CHCHD6: variants seen among roughly 807,000 people sequenced by gnomAD.
The protein encoded by CHCHD6 is coiled-coil-helix-coiled-coil-helix domain containing 6.
Under a neutral mutation model 32.3 loss-of-function variants are expected in CHCHD6, and 28 were observed. The ratio of observed to expected loss-of-function variants is 0.87; its 90% confidence interval spans 0.64 to 1.19. CHCHD6 has a LOEUF of 1.19. Among genes scored for constraint, CHCHD6 ranks in the 50% most tolerant of loss-of-function variants. The pLI is 0.00. For missense variants in CHCHD6, 333 were observed against 307.0 expected, an observed-to-expected ratio of 1.08 and a Z score of -0.63; for synonymous variants, 122 against 117.5, an observed-to-expected ratio of 1.04 and a Z score of -0.25.
At chr3:126,794,044 T>C (rs892779865) in intron 4 of CHCHD6, among the ~76,000 whole-genome samples, 6 of 152,116 alleles carry the variant, frequency 3.9e-5, no homozygotes, top group African/African-American at 1.4e-4. Flanking sequence ...TCTTCAAAAA[T>C]TTGATTATGA....
chr3:126,881,132 G>C (rs2077603451), intron 5 of CHCHD6, among the ~76,000 whole-genome samples: 1 of 152,278 alleles, frequency 6.6e-6, no homozygotes, highest in South Asian at 2.1e-4. Flanking sequence ...TGGCTGCCAA[G>C]CCCGCATATG....
At chr3:126,823,491 T>C (rs1218651031) in intron 4 of CHCHD6, among the ~76,000 whole-genome samples, 1 of 152,228 alleles carries the variant, frequency 6.6e-6, no homozygotes. Context: ...TTTTGGATGC[T>C]AATGAAAATA....
rs1028842050 is a variant in CHCHD6 at position 126,833,931 on chromosome 3, G to A, written c.412-18716G>A. Among the ~76,000 whole-genome samples, 11 of 150,334 alleles carry A rather than the reference G, an allele frequency of 7.3e-5. 1 individual carries two copies. In the South Asian group the frequency reaches 2.3e-3, roughly 32 times the overall value. On this transcript the variant is annotated intron_variant, in intron 4 of 7. Transcript: ENST00000290913. Reference sequence around the variant, plus strand: ...TAGCCGGGCGTAGTGGCGGGCGCCTGTAGTCCTAGCTACTTGGGAGGCTGA... The same window carrying A: ...TAGCCGGGCGTAGTGGCGGGCGCCTATAGTCCTAGCTACTTGGGAGGCTGA...
chr3:126,934,118 G>T (rs1200771740), intron 6 of CHCHD6, among the ~76,000 whole-genome samples: 1 of 152,206 alleles, frequency 6.6e-6, no homozygotes, highest in Non-Finnish European at 1.5e-5. Context: ...GCATGGAAAA[G>T]CCCCTGGTCT....
chr3:126,943,120 G>T (rs1344375866), intron 6 of CHCHD6, among the ~76,000 whole-genome samples: 1 of 152,042 alleles, frequency 6.6e-6, no homozygotes, highest in Non-Finnish European at 1.5e-5. Context: ...CATGCCAGCC[G>T]CCTTTTCAGC....
At chr3:126,742,581 G>T (rs1413101265) in intron 4 of CHCHD6, among the ~76,000 whole-genome samples, 1 of 152,194 alleles carries the variant, frequency 6.6e-6, no homozygotes, top group Non-Finnish European at 1.5e-5. Flanking sequence ...TGAATGGATT[G>T]AATCCAGTTG....
At chr3:126,805,277 G>T (rs986881778) in intron 4 of CHCHD6, among the ~76,000 whole-genome samples, 2 of 152,204 alleles carry the variant, frequency 1.3e-5, no homozygotes, top group African/African-American at 4.8e-5. Flanking sequence ...GTTTGCAGAC[G>T]ACATGATTGT....
At chr3:126,921,525 G>C (rs542441018) in intron 6 of CHCHD6, among the ~76,000 whole-genome samples, 3 of 152,224 alleles carry the variant, frequency 2.0e-5, no homozygotes, top group African/African-American at 7.2e-5. Context: ...CTTCCCGTGG[G>C]ATTCATTCAG....
At chr3:126,750,188 C>T (rs1936671614) in intron 4 of CHCHD6, among the ~76,000 whole-genome samples, 1 of 152,240 alleles carries the variant, frequency 6.6e-6, no homozygotes, top group African/African-American at 2.4e-5. Context: ...CGAGAAGGCA[C>T]AATGCTGTCA....
intron 5 of CHCHD6, among the ~76,000 whole-genome samples, chr3:126,871,656 C>T (rs1050626709): frequency 1.3e-5 from 2 of 151,312 alleles, no homozygotes; most frequent in Non-Finnish European, 2.9e-5. Context: ...CCCCCGACCC[C>T]CCAACTTTTT....
intron 6 of CHCHD6, among the ~76,000 whole-genome samples, chr3:126,915,186 C>A (rs951831774): frequency 2.0e-5 from 3 of 152,202 alleles, no homozygotes; most frequent in Non-Finnish European, 2.9e-5. Context: ...ACATGCAGTG[C>A]ACCCTGTGCG....
At chr3:126,930,374 G>A (rs1019821487) in intron 6 of CHCHD6, among the ~76,000 whole-genome samples, 4 of 152,212 alleles carry the variant, frequency 2.6e-5, no homozygotes, top group African/African-American at 4.8e-5. Flanking sequence ...TTCTGTAAAG[G>A]TGACCCGCAG....
Position 126,728,415 on chromosome 3 carries a change from A to G in CHCHD6, c.196+1229A>G, listed in dbSNP as rs1012271375. On this transcript the variant is annotated intron_variant, in intron 2 of 7. Coordinates refer to ENST00000290913, the MANE Select transcript of CHCHD6 (RefSeq NM_032343.3). Reference sequence around the variant, plus strand: ...GAGCGGAGGTCCGGCGACAGGGTGCATCCCAGCCTGCTCGGGGGCCTAGAA... The same window carrying G: ...GAGCGGAGGTCCGGCGACAGGGTGCGTCCCAGCCTGCTCGGGGGCCTAGAA... Among the ~76,000 whole-genome samples the G allele has an allele frequency of 1.2e-4, 19 of 152,322 alleles. 1 individual carries two copies. The highest frequency in any genetic ancestry group is 6.2e-4 in the South Asian group (3 of 4,824).
chr3:126,724,477 C>T (rs1430223440), intron 1 of CHCHD6, among the ~76,000 whole-genome samples: 4 of 152,160 alleles, frequency 2.6e-5, no homozygotes, highest in Admixed American at 1.3e-4. Flanking sequence ...TGCTAATGAT[C>T]ATCTGAGCCT....
intron 5 of CHCHD6, among the ~76,000 whole-genome samples, chr3:126,899,159 C>G (rs192881867): frequency 6.6e-6 from 1 of 152,362 alleles, no homozygotes; most frequent in Non-Finnish European, 1.5e-5. Context: ...TGTGATAACA[C>G]TGTTCTGGGT....
At chr3:126,910,855 C>T (rs138154774) in intron 5 of CHCHD6, among the ~76,000 whole-genome samples, 68 of 152,108 alleles carry the variant, frequency 4.5e-4, no homozygotes, top group Non-Finnish European at 6.8e-4. Context: ...GTGTCAGGAA[C>T]AAGTGGGGCA....
intron 4 of CHCHD6, among the ~76,000 whole-genome samples, chr3:126,802,377 A>G (rs1475443168): frequency 6.6e-6 from 1 of 152,256 alleles, no homozygotes. Flanking sequence ...AAAGGAGCTG[A>G]TGGAGCTGAA....
intron 1 of CHCHD6, among the ~76,000 whole-genome samples, chr3:126,722,771 T>C (rs1013070660): frequency 1.4e-4 from 22 of 152,194 alleles, no homozygotes; most frequent in Admixed American, 2.0e-4. Flanking sequence ...AGTTGCCCTA[T>C]GGTGTCATTT....
chr3:126,716,240 G>T (rs570074206), intron 1 of CHCHD6, among the ~76,000 whole-genome samples: 24 of 152,296 alleles, frequency 1.6e-4, no homozygotes, highest in African/African-American at 5.8e-4. Context: ...ATGTTTTCAC[G>T]TCCCTGCCAG....
Sources: gnomAD v4.1 joint callset for allele counts (sites outside exome capture counted in the v4.1 genomes callset) on GRCh38, gnomAD v4.1.1 for gene constraint, MANE v1.5 for transcripts, NCBI Gene and HGNC (gene_info 2026-07-23, HGNC 2026-07-21) for gene names.